The following VWA3B variants were observed in gnomAD, a reference collection of about 807,000 sequenced individuals.
VWA3B encodes the protein von Willebrand factor A domain-containing protein 3B.
Under a neutral mutation model 158.3 loss-of-function variants are expected in VWA3B, and 138 were observed. That is an observed-to-expected ratio of 0.87 (90% CI 0.76 to 1.00). The LOEUF (loss-of-function observed/expected upper bound fraction) is 1.00, where lower values mean the gene tolerates loss of function less well. Ranked by LOEUF, VWA3B falls within the 50% of genes least tolerant of loss-of-function variation. The pLI is 0.00. For missense variants in VWA3B, 1,555 were observed against 1,565.1 expected (o/e 0.99, Z 0.11); for synonymous variants, 596 against 587.3 (o/e 1.01, Z -0.21).
chr2:98,237,233 G>T (rs1400175785), intron 19 of VWA3B, among the ~76,000 whole-genome samples: 1 of 152,226 alleles, frequency 6.6e-6, no homozygotes, highest in Non-Finnish European at 1.5e-5. Context: ...TCTTGGTTGG[G>T]TTGGCACTTC....
intron 16 of VWA3B, among the ~76,000 whole-genome samples, chr2:98,233,730 C>A (rs1230653358): frequency 6.6e-6 from 1 of 152,196 alleles, no homozygotes. Context: ...ACTAGCTAAT[C>A]TTCACTCTAA....
In VWA3B at chr2:98,311,775, G is replaced by A. The variant is rs773534642; in HGVS notation, c.3522-44G>A. ...TGGCTTGGACATCTCTGTAGACCCC[G>A]CAGCCATCAAGGCAGGGTAACCCTG... On this transcript the variant is annotated intron_variant, in intron 26 of 27. Transcript: ENST00000477737. 22 of 1,508,990 alleles carry A rather than the reference G, an allele frequency of 1.5e-5. No homozygotes were observed. In the East Asian group the frequency reaches 2.6e-4, roughly 18 times the overall value. 93.5% of individuals were successfully genotyped at this position (1,508,990 alleles called of 1,614,324 possible). A position where few individuals can be genotyped will look rare whatever the true frequency, so the allele number is the denominator to read the frequency against.
chr2:98,260,148 G>A (rs146696425), intron 21 of VWA3B, among the ~76,000 whole-genome samples: 4 of 151,720 alleles, frequency 2.6e-5, no homozygotes, highest in African/African-American at 7.2e-5. Flanking sequence ...TTAACATATG[G>A]TCTATCCCAG....
At chr2:98,192,797 G>A in intron 10 of VWA3B, 101 bp from the exon 11 acceptor site, 3 of 1,510,090 alleles carry the variant, frequency 2.0e-6, no homozygotes, top group African/African-American at 1.4e-5. Context: ...AAACAACATA[G>A]CGCAGCTCTG....
chr2:98,134,403 C>T (rs1034642016), intron 7 of VWA3B, among the ~76,000 whole-genome samples: 1 of 152,094 alleles, frequency 6.6e-6, no homozygotes, highest in Non-Finnish European at 1.5e-5. Flanking sequence ...TTTACGGAGG[C>T]GGAATGAACT....
At chr2:98,182,972 T>G (rs971961014) in intron 9 of VWA3B, among the ~76,000 whole-genome samples, 1 of 152,156 alleles carries the variant, frequency 6.6e-6, no homozygotes, top group African/African-American at 2.4e-5. Context: ...CCCCATCAAT[T>G]TGAACATAGC....
At chr2:98,250,928 G>A (rs1686759679) in intron 20 of VWA3B, among the ~76,000 whole-genome samples, 2 of 151,834 alleles carry the variant, frequency 1.3e-5, no homozygotes, top group South Asian at 4.2e-4. Flanking sequence ...AAAATTCTGT[G>A]ATGAAAAATA....
intron 5 of VWA3B, among the ~76,000 whole-genome samples, chr2:98,122,382 G>A (rs1325032630): frequency 6.6e-6 from 1 of 152,194 alleles, no homozygotes; most frequent in Admixed American, 6.5e-5. Flanking sequence ...AAGAAGCCAC[G>A]TGTTGGCATC....
At chr2:98,200,347 C>T (rs893084436) in intron 12 of VWA3B, among the ~76,000 whole-genome samples, 5 of 152,030 alleles carry the variant, frequency 3.3e-5, no homozygotes, top group South Asian at 2.1e-4. Context: ...TCAAGACCAG[C>T]CTGGCCAACA....
intron 26 of VWA3B, among the ~76,000 whole-genome samples, chr2:98,310,474 G>A (rs955892598): frequency 1.3e-5 from 2 of 152,002 alleles, no homozygotes. Context: ...GCTTCTTGTC[G>A]CTCCTCTTTC....
In VWA3B at chr2:98,234,681, T is replaced by C; in HGVS notation, c.2342T>C (p.Met781Thr). 6.2e-7 allele frequency: 1 copy of C among 1,614,186 alleles called. No individual in the cohort carries two copies. The highest frequency in any genetic ancestry group is 8.5e-7 in the Non-Finnish European group (1 of 1,180,018). Residue 781 changes from methionine to threonine, a missense_variant, in exon 17 of 28, where the codon ATG becomes ACG. Physicochemically the swap from Met to Thr is moderately conservative, Grantham distance 81. Transcript: ENST00000477737. ...AAAACCAGCCTGCTCAGAAGCCAGA[T>C]GTCCTCCCTCAGGAGCTCAGCTTGC... ...STKTSLLRSQ[M>T]SSLRSSACSE...
chr2:98,140,253 A>G (rs1205401940), intron 7 of VWA3B, among the ~76,000 whole-genome samples: 1 of 152,240 alleles, frequency 6.6e-6, no homozygotes, highest in Non-Finnish European at 1.5e-5. Context: ...ACACAACCGC[A>G]TGCCTTAGAG....
chr2:98,093,976 CT>C, intron 2 of VWA3B, among the ~76,000 whole-genome samples: 1 of 152,112 alleles, frequency 6.6e-6, no homozygotes. Flanking sequence ...GATTTCTTTC[CT>C]TTTTATGGCT....
At chr2:98,277,705 A>G (rs570048723) in intron 22 of VWA3B, among the ~76,000 whole-genome samples, 25 of 152,288 alleles carry the variant, frequency 1.6e-4, no homozygotes, top group African/African-American at 5.5e-4. Flanking sequence ...AGCGTTAGGA[A>G]AATGCACACA....
chr2:98,151,435 C>T (rs1677626589), intron 7 of VWA3B, among the ~76,000 whole-genome samples: 1 of 152,192 alleles, frequency 6.6e-6, no homozygotes, highest in Non-Finnish European at 1.5e-5. Flanking sequence ...GTGGTGAATG[C>T]ATGAGCTTGA....
chr2:98,115,059 C>A (rs1415677848), intron 2 of VWA3B, among the ~76,000 whole-genome samples: 1 of 151,196 alleles, frequency 6.6e-6, no homozygotes, highest in East Asian at 1.9e-4. Flanking sequence ...ATTTTAAAAA[C>A]CCTGAAAACC....
chr2:98,093,536 TAA>T (rs1682504793), intron 2 of VWA3B, among the ~76,000 whole-genome samples: 2 of 152,238 alleles, frequency 1.3e-5, no homozygotes, highest in Non-Finnish European at 2.9e-5. Flanking sequence ...AATTGACAGA[TAA>T]AACTGTATGT....
At position 98,091,600 on chromosome 2, in the gene VWA3B, G is replaced by A. The variant is rs1056705922; in HGVS notation, c.-32-1461G>A. Among the ~76,000 whole-genome samples the A allele has an allele frequency of 5.9e-5, 9 of 152,198 alleles. No individual in the cohort carries two copies. In the East Asian group the frequency reaches 9.6e-4, roughly 16 times the overall value. On this transcript the variant is annotated intron_variant, in intron 1 of 27. Transcript: ENST00000477737. The stretch of plus-strand genomic sequence containing the variant: ...TAGTACCTACCTCATGAGGTTATAA[G>A]GATTAAATGTAAATTGCACATAACA...
At position 98,119,131 on chromosome 2, in the gene VWA3B, G is replaced by T. The variant is rs138462301; in HGVS notation, c.292-382G>T. ...AGTAGCATTTTCAGAAATATTTTTG[G>T]AATGTTATGTTTAGGAAAACGTTTT... On this transcript the variant is annotated intron_variant, in intron 3 of 27. Transcript: ENST00000477737. Among the ~76,000 whole-genome samples the T allele has an allele frequency of 3.2e-3, 488 of 152,292 alleles. 1 individual carries two copies. Among genetic ancestry groups the T allele is most frequent in the Non-Finnish European group, 4.0e-3 (273 of 68,014 alleles).
Sources: gnomAD v4.1 joint callset for allele counts (sites outside exome capture counted in the v4.1 genomes callset) on GRCh38, gnomAD v4.1.1 for gene constraint, MANE v1.5 for transcripts, NCBI Gene and HGNC (gene_info 2026-07-23, HGNC 2026-07-21) for gene names.